The following CDH23 variants were observed in gnomAD, a reference collection of about 807,000 sequenced individuals.
CDH23 encodes cadherin related 23.
CDH23 carries 189 observed loss-of-function variants against 317.1 expected under a neutral mutation model. The ratio of observed to expected loss-of-function variants is 0.60; its 90% confidence interval spans 0.53 to 0.67. CDH23 has a LOEUF of 0.67. Ranked by LOEUF, CDH23 falls within the 30% of genes least tolerant of loss-of-function variation. The pLI, the probability that CDH23 is intolerant of heterozygous loss-of-function variation, is 0.00. For missense variants in CDH23, 4,401 were observed against 4,592.4 expected (o/e 0.96, Z 1.20); for synonymous variants, 1,839 against 1,876.8 (o/e 0.98, Z 0.52).
intron 1 of CDH23, among the ~76,000 whole-genome samples, chr10:71,434,192 C>T (rs951935366): frequency 6.6e-6 from 1 of 152,206 alleles, no homozygotes; most frequent in African/African-American, 2.4e-5. Flanking sequence ...CACTCTCCTG[C>T]GAGTGCATGC....
rs77372792 is a variant in CDH23 at position 71,505,123 on chromosome 10, G to A, written c.146-4959G>A. On this transcript the variant is annotated intron_variant, in intron 3 of 69. Transcript: ENST00000224721. ...AAGATTTAAGTGCAAGAAGCTTACT[G>A]GGGAGGAGGTTCCAGGAAACACAAG... is the stretch of plus-strand genomic sequence containing the variant. Among the ~76,000 whole-genome samples the A allele has an allele frequency of 8.9e-3, 1,350 of 152,286 alleles. 38 individuals carry two copies. The East Asian group carries it at 0.12, about 13-fold the overall frequency.
At position 71,759,920 on chromosome 10, in the gene CDH23, T is replaced by TAG. The variant is rs1564779338; in HGVS notation, c.4846-17759_4846-17758insGA. Among the ~76,000 whole-genome samples, 3 of 66,280 alleles carry TAG rather than the reference T, an allele frequency of 4.5e-5. 1 individual carries two copies. In the South Asian group the frequency reaches 1.5e-3, roughly 33 times the overall value. The allele number at this position is 66,280 out of a possible 152,430, so 43.5% of individuals were successfully genotyped here. On this transcript the variant is annotated intron_variant, in intron 38 of 69. Coordinates refer to ENST00000224721, the MANE Select transcript of CDH23 (RefSeq NM_022124.6). ...ACACATATATACACACACACATATA[T>TAG]ACACACACACATATATACACACACA...
At chr10:71,420,783 A>G (rs1848775748) in intron 1 of CDH23, among the ~76,000 whole-genome samples, 1 of 152,152 alleles carries the variant, frequency 6.6e-6, no homozygotes, top group Non-Finnish European at 1.5e-5. Context: ...AGCTCATGCA[A>G]GCTCACATAG....
chr10:71,451,257 C>T (rs1850427906), intron 3 of CDH23, among the ~76,000 whole-genome samples: 1 of 152,202 alleles, frequency 6.6e-6, no homozygotes, highest in Non-Finnish European at 1.5e-5. Flanking sequence ...TTCTCCCTGA[C>T]TCGGCCCTCA....
intron 1 of CDH23, among the ~76,000 whole-genome samples, chr10:71,413,385 A>G (rs1351961849): frequency 6.6e-6 from 1 of 152,172 alleles, no homozygotes; most frequent in Admixed American, 6.5e-5. Context: ...GTAGCTGTGT[A>G]GTAAGTTTTG....
At chr10:71,653,365 A>C (rs1268212027) in intron 14 of CDH23, among the ~76,000 whole-genome samples, 2 of 152,222 alleles carry the variant, frequency 1.3e-5, no homozygotes, top group Non-Finnish European at 2.9e-5. Flanking sequence ...GTAAGGCCAC[A>C]GGGCCTCTCC....
chr10:71,753,233 ACT>A (rs1840052033), intron 38 of CDH23, among the ~76,000 whole-genome samples: 1 of 151,660 alleles, frequency 6.6e-6, no homozygotes, highest in Admixed American at 6.6e-5. Flanking sequence ...GATAAATGAA[ACT>A]CTATCTGCAT....
rs200103711 is a variant in CDH23 at position 71,646,021 on chromosome 10, G to T, written c.1290+41G>T. On this transcript the variant is annotated intron_variant, in intron 13 of 69. Coordinates refer to ENST00000224721, the MANE Select transcript of CDH23 (RefSeq NM_022124.6). ...CTGGCATTTTGGAGTGGGGTGGGGGGTGGATTTCAGGGGAGGCGAGGGTAG... is the reference window on the plus strand; with the variant it reads ...CTGGCATTTTGGAGTGGGGTGGGGGTTGGATTTCAGGGGAGGCGAGGGTAG... The T allele has an allele frequency of 5.6e-4, 900 of 1,593,336 alleles. 8 individuals are homozygous for T. In the African/African-American group the frequency reaches 0.01, roughly 18 times the overall value.
chr10:71,647,167 T>C, intron 14 of CDH23: 1 of 880,132 alleles, frequency 1.1e-6, no homozygotes, highest in Non-Finnish European at 1.4e-6. Flanking sequence ...AACTCAAAAG[T>C]ATAAGTGATT....
chr10:71,450,759 G>GC (rs1383148471), intron 3 of CDH23, among the ~76,000 whole-genome samples: 3 of 151,994 alleles, frequency 2.0e-5, no homozygotes, highest in Admixed American at 6.6e-5. Flanking sequence ...GCATCAGAGG[G>GC]CCCCAGGGCT....
At position 71,643,566 on chromosome 10, in the gene CDH23, C is replaced by CG. The variant is rs72512891; in HGVS notation, c.1135-295_1135-294insG. On this transcript the variant is annotated intron_variant, in intron 11 of 69. Coordinates refer to ENST00000224721, the MANE Select transcript of CDH23 (RefSeq NM_022124.6). ...AGGGAGACAGGAGCCCTTGCCCCCC[C>CG]CTCACCTCCTCACCCTTCATGCCGT... 8.6e-4 allele frequency among the ~76,000 whole-genome samples: 130 copies of CG among 151,784 alleles called. 4 individuals carry two copies. In the East Asian group the frequency reaches 0.01, roughly 12 times the overall value.
chr10:71,625,736 C>T (rs112714709), intron 11 of CDH23, among the ~76,000 whole-genome samples: 4,785 of 152,326 alleles, frequency 0.031, 110 homozygotes, highest in South Asian at 0.085. Context: ...GCTTCTCCTG[C>T]GGGCCTCTTC....
chr10:71,681,596 G>A (rs1864654512), intron 17 of CDH23, among the ~76,000 whole-genome samples: 1 of 152,194 alleles, frequency 6.6e-6, no homozygotes, highest in Non-Finnish European at 1.5e-5. Context: ...GTGACTGGAT[G>A]GGTATGAAGA....
At chr10:71,414,565 T>C (rs1848461014) in intron 1 of CDH23, among the ~76,000 whole-genome samples, 1 of 152,244 alleles carries the variant, frequency 6.6e-6, no homozygotes, top group Non-Finnish European at 1.5e-5. Context: ...TTGCAATAGC[T>C]ACAACAGCTT....
intron 6 of CDH23, among the ~76,000 whole-genome samples, chr10:71,517,855 C>T (rs963249988): frequency 6.6e-6 from 1 of 151,854 alleles, no homozygotes; most frequent in African/African-American, 2.4e-5. Flanking sequence ...TCTCTATGGC[C>T]CTCGGCGACC....
chr10:71,606,206 CT>C (rs1488443086), intron 9 of CDH23, among the ~76,000 whole-genome samples: 4 of 152,188 alleles, frequency 2.6e-5, no homozygotes, highest in Non-Finnish European at 5.9e-5. Context: ...TTTAAGTGAG[CT>C]TGATAAAAAC....
intron 11 of CDH23, among the ~76,000 whole-genome samples, chr10:71,628,145 A>G (rs898396790): frequency 3.9e-5 from 6 of 152,290 alleles, no homozygotes; most frequent in African/African-American, 9.6e-5. Context: ...GTCTCACCCC[A>G]TCGCCATCAT....
intron 38 of CDH23, among the ~76,000 whole-genome samples, chr10:71,745,427 G>A (rs1177375738): frequency 6.6e-6 from 1 of 152,190 alleles, no homozygotes; most frequent in Non-Finnish European, 1.5e-5. Flanking sequence ...AAGGCCAAGG[G>A]CAGGACTCTC....
chr10:71,591,190 G>A (rs534488659), intron 9 of CDH23, among the ~76,000 whole-genome samples: 6 of 152,302 alleles, frequency 3.9e-5, no homozygotes, highest in Admixed American at 6.5e-5. Flanking sequence ...GCTGAGGGCT[G>A]GGGCAGAGGC....
Sources: gnomAD v4.1 joint callset for allele counts (sites outside exome capture counted in the v4.1 genomes callset) on GRCh38, gnomAD v4.1.1 for gene constraint, MANE v1.5 for transcripts, NCBI Gene and HGNC (gene_info 2026-07-23, HGNC 2026-07-21) for gene names.